The following DTWD1 variants were observed in gnomAD, a reference collection of about 807,000 sequenced individuals.
DTWD1 encodes tRNA-uridine aminocarboxypropyltransferase 1.
DTWD1 carries 27 observed loss-of-function variants against 30.2 expected under a neutral mutation model. The ratio of observed to expected loss-of-function variants is 0.90; its 90% CI spans 0.66 to 1.23. The LOEUF is 1.23. DTWD1 is among the 50% of genes most tolerant of loss of function. The probability of loss-of-function intolerance (pLI) is 0.00; values close to 1 mark genes in which losing one functional copy is unlikely to be tolerated. For synonymous variants in DTWD1, 99 were observed against 113.1 expected, an observed-to-expected ratio of 0.88 and a Z score of 0.79; for missense variants, 342 against 348.8, an observed-to-expected ratio of 0.98 and a Z score of 0.15.
At chr15:49,630,621 C>A (rs1265043855) in intron 2 of DTWD1, among the ~76,000 whole-genome samples, 1 of 152,134 alleles carries the variant, frequency 6.6e-6, no homozygotes, top group East Asian at 1.9e-4. Context: ...ATATAATTTA[C>A]AAAATCCAAG....
At chr15:49,635,796 C>A (rs949376725) in intron 4 of DTWD1, among the ~76,000 whole-genome samples, 2 of 152,090 alleles carry the variant, frequency 1.3e-5, no homozygotes, top group Non-Finnish European at 2.9e-5. Context: ...GCGCAGCCTT[C>A]CTTACAGTTT....
chr15:49,633,049 C>CTATATATATATATATATATATATATCTA (rs1555588610), intron 3 of DTWD1, among the ~76,000 whole-genome samples: 1 of 117,316 alleles, frequency 8.5e-6, no homozygotes, highest in African/African-American at 3.3e-5. Context: ...ATATCTATAT[C>CTATATATATATATATATATATATATCTA]TATATATATA....
Position 49,625,274 on chromosome 15 carries a change from T to C in DTWD1, c.107T>C (p.Leu36Pro), listed in dbSNP as rs1411001886. The change falls in exon 2 of 5, where the codon CTT becomes CCT. Residue 36 changes from leucine (L) to proline (P), a missense_variant. Leu to Pro is a moderately conservative substitution (Grantham distance 98). Coordinates refer to ENST00000403028, the MANE Select transcript of DTWD1 (RefSeq NM_001144955.2). Reference protein sequence around the residue: ...QTTSIASEDPLQNLCLASQEV... With the variant: ...QTTSIASEDPPQNLCLASQEV... The stretch of plus-strand genomic sequence containing the variant: ...ACTTCCATAGCTTCAGAAGATCCCC[T>C]TCAAAACTTATGTTTAGCATCTCAA... 3.7e-6 allele frequency: 6 copies of C among 1,613,644 alleles called. No individual in the cohort carries two copies. In the African/African-American group the frequency reaches 5.3e-5, roughly 14 times the overall value.
intron 4 of DTWD1, among the ~76,000 whole-genome samples, chr15:49,640,314 T>C (rs1337120140): frequency 6.6e-6 from 1 of 152,170 alleles, no homozygotes; most frequent in Non-Finnish European, 1.5e-5. Context: ...CACTGCTGAA[T>C]AATATCTGTG....
At chr15:49,642,555 CT>C (rs1206513414) in intron 4 of DTWD1, among the ~76,000 whole-genome samples, 1 of 152,082 alleles carries the variant, frequency 6.6e-6, no homozygotes, top group Admixed American at 6.6e-5. Flanking sequence ...AAGAAGTAAA[CT>C]TTTACCAGTA....
chr15:49,634,711 A>G lies in DTWD1; in HGVS notation c.584A>G (p.Lys195Arg). 1 of 1,613,192 alleles carries G rather than the reference A, an allele frequency of 6.2e-7. No individual in the cohort carries two copies. Among genetic ancestry groups the G allele is most frequent in the Non-Finnish European group, 8.5e-7 (1 of 1,179,506 alleles). The part of the protein sequence containing the change: ...EFCDLNDSKC[K>R]GTTLKKIIFI... Reference sequence around the variant, plus strand: ...TGTGATTTGAATGACAGCAAGTGCAAAGGCACAACACTGAAAAAAATTATA... The same window carrying G: ...TGTGATTTGAATGACAGCAAGTGCAGAGGCACAACACTGAAAAAAATTATA... The change falls in exon 4 of 5, where the codon AAA becomes AGA. Residue 195 changes from lysine (K) to arginine (R), a missense_variant. Coordinates refer to ENST00000403028, the MANE Select transcript of DTWD1 (RefSeq NM_001144955.2).
chr15:49,621,546 G>A (rs2078710469), intron 1 of DTWD1, among the ~76,000 whole-genome samples: 1 of 152,054 alleles, frequency 6.6e-6, no homozygotes, highest in Non-Finnish European at 1.5e-5. Flanking sequence ...GCCATGCAGT[G>A]TATTTAAAAT....
intron 1 of DTWD1, chr15:49,623,918 C>T (rs1338363218): frequency 6.6e-6 from 1 of 152,110 alleles, no homozygotes; most frequent in African/African-American, 2.4e-5. Context: ...TGTGCGTAAT[C>T]AGTACACAGC....
chr15:49,621,836 T>C (rs1035222785), intron 1 of DTWD1, among the ~76,000 whole-genome samples: 3 of 151,994 alleles, frequency 2.0e-5, no homozygotes, highest in Admixed American at 2.0e-4. Context: ...TTATGAAAAA[T>C]GAATGTTGGA....
At chr15:49,633,043 C>CTATATATATATATATATATATA (rs368196512) in intron 3 of DTWD1, among the ~76,000 whole-genome samples, 11 of 129,510 alleles carry the variant, frequency 8.5e-5, no homozygotes, top group East Asian at 4.1e-4. Flanking sequence ...CTATTTATAT[C>CTATATATATATATATATATATA]TATATCTATA....
chr15:49,642,722 C>G (rs2079079289), intron 4 of DTWD1, among the ~76,000 whole-genome samples: 1 of 151,914 alleles, frequency 6.6e-6, no homozygotes, highest in South Asian at 2.1e-4. Context: ...ATTTTGAGAC[C>G]AGCCTGGGCA....
rs561046765 is a variant in DTWD1, at chr15:49,647,588, G to T, written c.*4010G>T. 7 of 152,158 alleles carry T rather than the reference G, an allele frequency of 4.6e-5. No homozygotes were observed. Among genetic ancestry groups the T allele is most frequent in the African/African-American group, 1.2e-4 (5 of 41,530 alleles). 9.4% of individuals were successfully genotyped at this position (152,158 alleles called of 1,614,324 possible). On this transcript the variant is annotated 3_prime_UTR_variant, in exon 5 of 5. Transcript: ENST00000403028. ...CATGTTACTGGAAGCATTAATTATA[G>T]CAACTTTTTATCTCCAAATACTGAC...
Position 49,654,654 on chromosome 15 carries a change from G to T in DTWD1, c.*11076G>T, listed in dbSNP as rs2079169245. Reference sequence around the variant, plus strand: ...GTATAACAGAAATATCATAGATTGAGTGACTTTTTTTCTTTAAAAAAATGA... The same window carrying T: ...GTATAACAGAAATATCATAGATTGATTGACTTTTTTTCTTTAAAAAAATGA... On this transcript the variant is annotated 3_prime_UTR_variant, in exon 5 of 5. Coordinates refer to ENST00000403028, the MANE Select transcript of DTWD1 (RefSeq NM_001144955.2). The T allele has an allele frequency of 6.6e-6, 1 of 151,644 alleles. No individual in the cohort carries two copies. The highest frequency in any genetic ancestry group is 2.4e-5 in the African/African-American group (1 of 41,262). The allele number at this position is 151,644 out of a possible 1,614,324, so 9.4% of individuals were successfully genotyped here.
chr15:49,626,996 A>G (rs1211539037), intron 2 of DTWD1: 1 of 212,528 alleles, frequency 4.7e-6, no homozygotes, highest in Non-Finnish European at 1.0e-5. Context: ...CATTTCTCTC[A>G]TAGCCATGTA....
At chr15:49,640,684 G>T (rs556787050) in intron 4 of DTWD1, among the ~76,000 whole-genome samples, 2 of 58,882 alleles carry the variant, frequency 3.4e-5, no homozygotes, top group East Asian at 1.0e-3. Context: ...ATTACTAATA[G>T]GATTGATAAT....
intron 1 of DTWD1, among the ~76,000 whole-genome samples, chr15:49,623,283 G>A (rs1419315835): frequency 6.6e-6 from 1 of 152,118 alleles, no homozygotes; most frequent in Non-Finnish European, 1.5e-5. Context: ...GCCTCAAAAT[G>A]TTTCTCTGTA....
intron 4 of DTWD1, 22 bp downstream of exon 4, chr15:49,634,816 G>A (rs1458907116): frequency 6.5e-7 from 1 of 1,544,250 alleles, no homozygotes; most frequent in East Asian, 2.3e-5. Context: ...ATGTTTTTTT[G>A]GACTGCTCCT....
At chr15:49,632,397 A>G (rs1232956975) in intron 3 of DTWD1, 95 bp downstream of exon 3, 6 of 1,231,190 alleles carry the variant, frequency 4.9e-6, no homozygotes, top group Non-Finnish European at 6.8e-6. Flanking sequence ...ATAATTTAAT[A>G]TTTTTCTTAG....
chr15:49,647,130 T>C lies in DTWD1; in HGVS notation c.*3552T>C, dbSNP rs2079125065. ...ACTCATGACTTCATTTGTAGAAACA[T>C]GTATATCTTAAGCATATCAAGTGTC... On this transcript the variant is annotated 3_prime_UTR_variant, in exon 5 of 5. Coordinates refer to ENST00000403028, the MANE Select transcript of DTWD1 (RefSeq NM_001144955.2). The C allele has an allele frequency of 6.6e-6, 1 of 152,190 alleles. No homozygotes were observed. Among genetic ancestry groups the C allele is most frequent in the South Asian group, 2.1e-4 (1 of 4,836 alleles). The allele number at this position is 152,190 out of a possible 1,614,324, so 9.4% of individuals were successfully genotyped here.
Sources: gnomAD v4.1 joint callset for allele counts (sites outside exome capture counted in the v4.1 genomes callset) on GRCh38, gnomAD v4.1.1 for gene constraint, MANE v1.5 for transcripts, NCBI Gene and HGNC (gene_info 2026-07-23, HGNC 2026-07-21) for gene names.